The following SCN1A variants were observed in gnomAD, a reference collection of about 807,000 sequenced individuals.
SCN1A encodes the protein sodium channel protein type 1 subunit alpha.
Under a neutral mutation model 193.7 loss-of-function variants are expected in SCN1A, and 13 were observed. The observed-to-expected ratio is 0.07, with a 90% CI of 0.04 to 0.11. SCN1A has a LOEUF of 0.11. Among genes scored for constraint, SCN1A ranks in the 10% least tolerant of loss-of-function variants. SCN1A has a pLI of 1.00. For missense variants in SCN1A, 1,432 were observed against 2,451.1 expected, an observed-to-expected ratio of 0.58 and a Z score of 8.78; for synonymous variants, 781 against 843.6, an observed-to-expected ratio of 0.93 and a Z score of 1.29.
intron 23 of SCN1A, among the ~76,000 whole-genome samples, chr2:166,005,869 C>G (rs895014239): frequency 1.3e-5 from 2 of 151,260 alleles, no homozygotes; most frequent in Non-Finnish European, 3.0e-5. Context: ...GAGAAAGGAG[C>G]TATCTTAATG....
At chr2:166,084,631 T>C (rs1165405895) in intron 2 of SCN1A, among the ~76,000 whole-genome samples, 3 of 151,874 alleles carry the variant, frequency 2.0e-5, no homozygotes, top group Admixed American at 1.3e-4. Context: ...TGGTTGGGGG[T>C]TGGGAGGAAG....
chr2:166,088,518 G>A (rs1299089543), intron 2 of SCN1A, among the ~76,000 whole-genome samples: 1 of 152,012 alleles, frequency 6.6e-6, no homozygotes, highest in Non-Finnish European at 1.5e-5. Context: ...TTTCCTTTTT[G>A]TTATCCTCAA....
chr2:166,143,272 T>G (rs1332749252), intron 1 of SCN1A, among the ~76,000 whole-genome samples: 2 of 148,574 alleles, frequency 1.3e-5, no homozygotes, highest in Non-Finnish European at 3.0e-5. Context: ...GTTCAAGCCA[T>G]TCTCCTGCCT....
At chr2:166,029,540 C>T (rs1161617054) in intron 19 of SCN1A, among the ~76,000 whole-genome samples, 3 of 152,074 alleles carry the variant, frequency 2.0e-5, no homozygotes. Flanking sequence ...TCGTATGTTC[C>T]TTAACCCATA....
At chr2:166,118,405 T>G (rs1690151025) in intron 2 of SCN1A, among the ~76,000 whole-genome samples, 1 of 143,564 alleles carries the variant, frequency 7.0e-6, no homozygotes, top group Admixed American at 7.3e-5. Flanking sequence ...CAAACTTCCT[T>G]TTTGGAATGT....
At chr2:165,994,029 G>A (rs1463978493) in intron 28 of SCN1A, 117 bp downstream of exon 28, 12 of 845,020 alleles carry the variant, frequency 1.4e-5, no homozygotes, top group Non-Finnish European at 2.2e-5. Flanking sequence ...TGGATAAAAT[G>A]TATCAAAATA....
At chr2:166,110,073 C>T (rs144244514) in intron 2 of SCN1A, among the ~76,000 whole-genome samples, 2,098 of 152,120 alleles carry the variant, frequency 0.014, 19 homozygotes, top group Non-Finnish European at 0.021. Flanking sequence ...GGGACACATA[C>T]CCCATTTACT....
intron 4 of SCN1A, among the ~76,000 whole-genome samples, chr2:166,059,156 T>C (rs1683012319): frequency 6.6e-6 from 1 of 152,178 alleles, no homozygotes; most frequent in Non-Finnish European, 1.5e-5. Flanking sequence ...AGATTGTTTT[T>C]ACCATCTATC....
At chr2:166,053,885 A>G (rs1267845777) in intron 7 of SCN1A, among the ~76,000 whole-genome samples, 1 of 151,904 alleles carries the variant, frequency 6.6e-6, no homozygotes, top group African/African-American at 2.4e-5. Context: ...TTCCTGAGGA[A>G]GTTTGCCACT....
At chr2:166,125,251 C>T (rs943164933) in intron 2 of SCN1A, among the ~76,000 whole-genome samples, 1 of 152,326 alleles carries the variant, frequency 6.6e-6, no homozygotes, top group South Asian at 2.1e-4. Context: ...GATTCTCTCC[C>T]ATCCTTCTCT....
At chr2:166,146,861 A>G (rs1240213336) in intron 1 of SCN1A, among the ~76,000 whole-genome samples, 1 of 152,234 alleles carries the variant, frequency 6.6e-6, no homozygotes, top group Non-Finnish European at 1.5e-5. Flanking sequence ...GGTATACTCA[A>G]TAATTGCATA....
chr2:165,997,636 G>T (rs1690256401), intron 26 of SCN1A, among the ~76,000 whole-genome samples: 1 of 151,374 alleles, frequency 6.6e-6, no homozygotes, highest in African/African-American at 2.4e-5. Context: ...TACATCCAGT[G>T]CCTAATTTAT....
chr2:166,087,659 T>G (rs1686289469), intron 2 of SCN1A, among the ~76,000 whole-genome samples: 1 of 151,654 alleles, frequency 6.6e-6, no homozygotes, highest in South Asian at 2.1e-4. Context: ...AAACCTCTTT[T>G]TAAAAAAAAA....
At chr2:166,065,286 T>G (rs1683715350) in intron 4 of SCN1A, among the ~76,000 whole-genome samples, 1 of 152,138 alleles carries the variant, frequency 6.6e-6, no homozygotes, top group Admixed American at 6.5e-5. Context: ...GGTTCCAGCA[T>G]GAAGGGGGAG....
rs1574061760 is a variant in SCN1A at position 166,013,897 on chromosome 2, G to A, written c.3552C>T (p.Gly1184=). 2 of 1,611,026 alleles carry A rather than the reference G, an allele frequency of 1.2e-6. No individual in the cohort carries two copies. Among genetic ancestry groups the A allele is most frequent in the Non-Finnish European group, 1.7e-6 (2 of 1,178,274 alleles). The change falls in exon 21 of 29, where the codon GGC becomes GGT. Residue 1184 remains glycine, a splice_region_variant and synonymous_variant. Coordinates refer to ENST00000674923, the MANE Select transcript of SCN1A (RefSeq NM_001165963.4). ...GACAACACTTGAATCTTTGTACACAGCCTGCAGAAAGTGTTGAAATAAAAG... is the reference window on the plus strand; with the variant it reads ...GACAACACTTGAATCTTTGTACACAACCTGCAGAAAGTGTTGAAATAAAAG... ...TLEPEACFTE[G]CVQRFKCCQI...
At chr2:166,058,497 A>C (rs1699342386) in intron 5 of SCN1A, 73 bp downstream of exon 5, 1 of 852,022 alleles carries the variant, frequency 1.2e-6, no homozygotes, top group African/African-American at 1.7e-5. Context: ...TCCCAACTTA[A>C]TTTGATATTT....
At chr2:166,058,812 A>G in intron 4 of SCN1A, 124 bp from the exon 5 acceptor site, 1 of 670,612 alleles carries the variant, frequency 1.5e-6, no homozygotes. Context: ...CACAATCACA[A>G]TTTCTAAAGT....
chr2:166,047,786 G>T lies in SCN1A; in HGVS notation c.1029-18C>A. On this transcript the variant is annotated intron_variant, in intron 10 of 28. Transcript: ENST00000674923. ...GACATTGGCTGCAAGTGGGGTAAAA[G>T]AAAGTATTACAAGTCGTTCTGCTGC... The T allele has an allele frequency of 6.2e-7, 1 of 1,613,236 alleles. No individual in the cohort carries two copies. The highest frequency in any genetic ancestry group is 1.3e-5 in the African/African-American group (1 of 75,000).
chr2:166,083,612 C>T (rs1325605304), intron 2 of SCN1A, among the ~76,000 whole-genome samples: 5 of 152,016 alleles, frequency 3.3e-5, no homozygotes, highest in Admixed American at 3.3e-4. Flanking sequence ...GTTTATTAGG[C>T]TCTGCCTGTA....
Sources: allele counts gnomAD v4.1 joint callset (sites outside exome capture counted in the v4.1 genomes callset), GRCh38; gene constraint gnomAD v4.1.1; transcripts MANE v1.5; gene names NCBI Gene and HGNC (gene_info 2026-07-23, HGNC 2026-07-21).